Variants in NRXN3 observed in about 807,000 individuals in gnomAD.
NRXN3 encodes neurexin III.
Under a neutral mutation model 137.6 loss-of-function variants are expected in NRXN3, and 32 were observed. The observed-to-expected ratio is 0.23, with a 90% CI of 0.18 to 0.31. The LOEUF (loss-of-function observed/expected upper bound fraction) is 0.31. Among genes scored for constraint, NRXN3 ranks in the 10% least tolerant of loss-of-function variants. The pLI, the probability that NRXN3 is intolerant of heterozygous loss-of-function variation, is 1.00. For synonymous variants in NRXN3, 798 were observed against 784.5 expected, an observed-to-expected ratio of 1.02 and a Z score of -0.29; for missense variants, 1,574 against 2,062.5, an observed-to-expected ratio of 0.76 and a Z score of 4.59.
intron 19 of NRXN3, among the ~76,000 whole-genome samples, chr14:79,729,145 C>G (rs1226654881): frequency 6.6e-6 from 1 of 152,170 alleles, no homozygotes; most frequent in East Asian, 1.9e-4. Flanking sequence ...ATTGTAAAGG[C>G]TCAACTTTTA....
chr14:78,859,333 A>G (rs942813965), intron 10 of NRXN3, among the ~76,000 whole-genome samples: 2 of 152,138 alleles, frequency 1.3e-5, no homozygotes, highest in African/African-American at 4.8e-5. Context: ...CCAACACTGG[A>G]TCAAATCTGG....
chr14:79,130,966 C>T (rs546248625), intron 15 of NRXN3, among the ~76,000 whole-genome samples: 12 of 152,236 alleles, frequency 7.9e-5, no homozygotes, highest in South Asian at 2.1e-4. Flanking sequence ...TCCAGTTGAT[C>T]GCATCGGCTC....
intron 15 of NRXN3, chr14:79,313,937 G>A (rs1221123268): frequency 1.4e-5 from 2 of 145,244 alleles, no homozygotes; most frequent in Admixed American, 6.9e-5. Flanking sequence ...CTCTCAGCTC[G>A]TCAAAATCAT....
chr14:79,297,721 A>G (rs1202027994), intron 15 of NRXN3, among the ~76,000 whole-genome samples: 2 of 152,144 alleles, frequency 1.3e-5, no homozygotes, highest in African/African-American at 4.8e-5. Context: ...ATGGAGATGT[A>G]TAGAAGGAAC....
At chr14:78,613,912 A>C (rs999154975) in intron 4 of NRXN3, among the ~76,000 whole-genome samples, 4 of 152,200 alleles carry the variant, frequency 2.6e-5, no homozygotes, top group Admixed American at 2.0e-4. Flanking sequence ...GAACTCAAGC[A>C]AAGGACTTTC....
intron 15 of NRXN3, among the ~76,000 whole-genome samples, chr14:79,434,633 T>G (rs780499931): frequency 1.3e-5 from 2 of 152,240 alleles, no homozygotes; most frequent in Admixed American, 6.5e-5. Flanking sequence ...AGCAGAACTT[T>G]TCACTGCTGC....
At chr14:78,865,473 A>G (rs890030760) in intron 10 of NRXN3, among the ~76,000 whole-genome samples, 7 of 152,228 alleles carry the variant, frequency 4.6e-5, no homozygotes, top group Non-Finnish European at 7.3e-5. Flanking sequence ...GAGACTGGCT[A>G]TGCATACTGA....
At chr14:78,858,547 CA>C (rs1212737318) in intron 10 of NRXN3, among the ~76,000 whole-genome samples, 1 of 152,006 alleles carries the variant, frequency 6.6e-6, no homozygotes. Context: ...ATGTTGAGAC[CA>C]AAAAGATGTA....
intron 1 of NRXN3, among the ~76,000 whole-genome samples, chr14:78,212,915 G>A (rs919201220): frequency 6.6e-6 from 1 of 152,136 alleles, no homozygotes; most frequent in African/African-American, 2.4e-5. Flanking sequence ...AAAAAGTGGA[G>A]CTTTTCTGGT....
intron 16 of NRXN3, among the ~76,000 whole-genome samples, chr14:79,572,133 A>G (rs1034823319): frequency 3.3e-5 from 5 of 152,118 alleles, no homozygotes; most frequent in African/African-American, 1.2e-4. Flanking sequence ...CTCTTTTATT[A>G]TAGTGTTCTA....
At chr14:78,618,654 C>T (rs1375414701) in intron 4 of NRXN3, among the ~76,000 whole-genome samples, 1 of 152,170 alleles carries the variant, frequency 6.6e-6, no homozygotes, top group African/African-American at 2.4e-5. Flanking sequence ...TAGCGAGCTT[C>T]CTCCATGTGT....
intron 4 of NRXN3, among the ~76,000 whole-genome samples, chr14:78,364,976 A>G (rs1156961389): frequency 6.6e-6 from 1 of 152,170 alleles, no homozygotes. Flanking sequence ...CACTATTGTT[A>G]ATGATTAACC....
chr14:79,572,430 T>G lies in NRXN3; in HGVS notation c.3445-91348T>G, dbSNP rs991248185. ...AACTTATTTTTAATTCCCATCACTT[T>G]CATTTTTATAGAATCCAGAAATAAT... On this transcript the variant is annotated intron_variant, in intron 16 of 20. Coordinates refer to ENST00000335750, the MANE Select transcript of NRXN3 (RefSeq NM_001330195.2). Among the ~76,000 whole-genome samples the G allele has an allele frequency of 2.6e-5, 4 of 152,226 alleles. No individual in the cohort carries two copies. The South Asian group carries it at 8.3e-4, about 32-fold the overall frequency.
At chr14:79,044,219 C>T (rs2221297) in intron 15 of NRXN3, among the ~76,000 whole-genome samples, 79,038 of 151,794 alleles carry the variant, frequency 0.52, 22,937 homozygotes, top group East Asian at 0.78. Flanking sequence ...TGAGAAAACA[C>T]GTTGCATTTT....
chr14:79,828,422 C>T (rs2099311920), intron 20 of NRXN3, among the ~76,000 whole-genome samples: 1 of 151,996 alleles, frequency 6.6e-6, no homozygotes, highest in Admixed American at 6.5e-5. Flanking sequence ...AAGTTCAAGA[C>T]TAGCCTGGCA....
At chr14:78,749,787 G>A (rs2098632387) in intron 8 of NRXN3, among the ~76,000 whole-genome samples, 1 of 152,064 alleles carries the variant, frequency 6.6e-6, no homozygotes, top group African/African-American at 2.4e-5. Context: ...GTTTCTTTAG[G>A]CCCTGGAGCT....
At chr14:79,647,025 C>T (rs139748039) in intron 16 of NRXN3, among the ~76,000 whole-genome samples, 1 of 135,270 alleles carries the variant, frequency 7.4e-6, no homozygotes, top group Non-Finnish European at 1.7e-5. Flanking sequence ...AGTGTTGCCC[C>T]AATCCGTTCT....
At chr14:78,679,160 T>G (rs550880687) in intron 6 of NRXN3, among the ~76,000 whole-genome samples, 17 of 152,178 alleles carry the variant, frequency 1.1e-4, no homozygotes, top group Non-Finnish European at 2.2e-4. Flanking sequence ...CCAAAATACA[T>G]TCATTTTTTA....
intron 15 of NRXN3, among the ~76,000 whole-genome samples, chr14:79,116,126 A>C (rs1220778662): frequency 6.6e-6 from 1 of 152,200 alleles, no homozygotes; most frequent in Admixed American, 6.5e-5. Context: ...CTGTGGGGAC[A>C]TGGTTCTCAG....
Sources: gnomAD v4.1 joint callset for allele counts (sites outside exome capture counted in the v4.1 genomes callset) on GRCh38, gnomAD v4.1.1 for gene constraint, MANE v1.5 for transcripts, NCBI Gene and HGNC (gene_info 2026-07-23, HGNC 2026-07-21) for gene names.